The following MCTP1 variants were observed in gnomAD, a reference collection of about 807,000 sequenced individuals.
MCTP1 encodes multiple C2 and transmembrane domain containing 1.
MCTP1 carries 69 observed loss-of-function variants against 120.6 expected under a neutral mutation model. That is an observed-to-expected ratio of 0.57 (90% CI 0.47 to 0.70). The LOEUF (loss-of-function observed/expected upper bound fraction) is 0.70. Among genes scored for constraint, MCTP1 ranks in the 30% least tolerant of loss-of-function variants. MCTP1 has a pLI of 0.00. For synonymous variants in MCTP1, 529 were observed against 493.1 expected, an observed-to-expected ratio of 1.07 and a Z score of -0.96; for missense variants, 1,203 against 1,248.8, an observed-to-expected ratio of 0.96 and a Z score of 0.55.
chr5:94,949,767 T>A (rs2153525492), intron 3 of MCTP1, among the ~76,000 whole-genome samples: 1 of 152,298 alleles, frequency 6.6e-6, no homozygotes. Context: ...AGTTCACAGA[T>A]GCATTTTCAT....
Position 94,909,292 on chromosome 5 carries a change from T to C in MCTP1, c.1611A>G (p.Ala537=), listed in dbSNP as rs750230197. Reference sequence around the variant, plus strand: ...CCCTTTTCCCAGCATCTTTGTCCCATGCAGTGATATCAATGACTCCTCCTC... The same window carrying C: ...CCCTTTTCCCAGCATCTTTGTCCCACGCAGTGATATCAATGACTCCTCCTC... The part of the protein sequence containing the change: ...EERGGVIDIT[A]WDKDAGKRDD... Residue 537 remains alanine, a synonymous_variant, in exon 10 of 23, where the codon GCA becomes GCG. Coordinates refer to ENST00000515393, the MANE Select transcript of MCTP1 (RefSeq NM_024717.7). 1.2e-6 allele frequency: 2 copies of C among 1,611,596 alleles called. No homozygotes were observed. The highest frequency in any genetic ancestry group is 1.1e-5 in the South Asian group (1 of 90,474).
chr5:95,012,453 G>A (rs1046017250), intron 2 of MCTP1, among the ~76,000 whole-genome samples: 19 of 152,080 alleles, frequency 1.2e-4, no homozygotes, highest in Non-Finnish European at 2.6e-4. Context: ...GTTTGATTGC[G>A]CTTCCAAGGG....
At chr5:95,138,842 T>G (rs2152434990) in intron 1 of MCTP1, among the ~76,000 whole-genome samples, 1 of 152,236 alleles carries the variant, frequency 6.6e-6, no homozygotes, top group East Asian at 1.9e-4. Context: ...GATAGGCAAT[T>G]TTTAACTAGT....
intron 3 of MCTP1, among the ~76,000 whole-genome samples, chr5:94,948,410 T>C (rs553821827): frequency 2.0e-5 from 3 of 152,312 alleles, no homozygotes; most frequent in East Asian, 3.9e-4. Context: ...TTGCCCACAA[T>C]CCAAAAGCAA....
chr5:94,911,762 A>C (rs1033308755), intron 9 of MCTP1, among the ~76,000 whole-genome samples: 1 of 152,126 alleles, frequency 6.6e-6, no homozygotes, highest in Non-Finnish European at 1.5e-5. Flanking sequence ...CTTATTCATT[A>C]TTACTTATAT....
At chr5:94,725,665 T>C (rs963751833) in intron 19 of MCTP1, among the ~76,000 whole-genome samples, 14 of 152,308 alleles carry the variant, frequency 9.2e-5, no homozygotes, top group African/African-American at 3.4e-4. Context: ...ATTTAGAAGA[T>C]GAGTAGATTT....
chr5:94,817,987 C>T (rs746499695), intron 17 of MCTP1, among the ~76,000 whole-genome samples: 5 of 152,126 alleles, frequency 3.3e-5, no homozygotes, highest in Non-Finnish European at 5.9e-5. Flanking sequence ...ATCAGCTGCT[C>T]CTGGTTATAC....
At chr5:94,771,752 G>A (rs1774131022) in intron 19 of MCTP1, among the ~76,000 whole-genome samples, 1 of 152,180 alleles carries the variant, frequency 6.6e-6, no homozygotes, top group South Asian at 2.1e-4. Context: ...TATAGGAAAT[G>A]CAGTTGGAAG....
At chr5:95,276,317 G>A (rs1759829671) in intron 1 of MCTP1, among the ~76,000 whole-genome samples, 1 of 139,768 alleles carries the variant, frequency 7.2e-6, no homozygotes, top group Admixed American at 7.7e-5. Flanking sequence ...GGAATGCAGT[G>A]GCGCTATCTC....
intron 19 of MCTP1, 87 bp downstream of exon 19, chr5:94,779,023 C>G: frequency 8.1e-7 from 1 of 1,229,664 alleles, no homozygotes; most frequent in Non-Finnish European, 1.2e-6. Context: ...TCAAACACTT[C>G]AACTCCTTTT....
chr5:95,123,194 C>T (rs984729025), intron 1 of MCTP1, among the ~76,000 whole-genome samples: 1 of 152,096 alleles, frequency 6.6e-6, no homozygotes, highest in Non-Finnish European at 1.5e-5. Context: ...ATGATTATTA[C>T]ACATTACATG....
In MCTP1 at chr5:95,271,864, C is replaced by T. The variant is rs183269915; in HGVS notation, c.720+11992G>A. Among the ~76,000 whole-genome samples the T allele has an allele frequency of 4.3e-4, 65 of 152,062 alleles. 1 individual carries two copies. The highest frequency in any genetic ancestry group is 1.5e-3 in the African/African-American group (64 of 41,490). On this transcript the variant is annotated intron_variant, in intron 1 of 22. Coordinates refer to ENST00000515393, the MANE Select transcript of MCTP1 (RefSeq NM_024717.7). ...AAGATTATTCATTTCCTTTGTAGAACACATACCATAGTGGTTTACTAACCA... is the reference window on the plus strand; with the variant it reads ...AAGATTATTCATTTCCTTTGTAGAATACATACCATAGTGGTTTACTAACCA...
chr5:94,813,672 G>A (rs976709377), intron 17 of MCTP1, among the ~76,000 whole-genome samples: 1 of 152,094 alleles, frequency 6.6e-6, no homozygotes, highest in African/African-American at 2.4e-5. Context: ...GATCACTTGA[G>A]TCCAGGAGTT....
Position 94,888,103 on chromosome 5 carries a change from A to G in MCTP1, c.1933+776T>C, listed in dbSNP as rs576181668. ...GTCAAGCCAGTCCTATTTATTGTCT[A>G]ACTTGAGATGGATAATTTAAGGAAC... On this transcript the variant is annotated intron_variant, in intron 12 of 22. Coordinates refer to ENST00000515393, the MANE Select transcript of MCTP1 (RefSeq NM_024717.7). 1.5e-4 allele frequency among the ~76,000 whole-genome samples: 23 copies of G among 152,256 alleles called. No homozygotes were observed. In the Middle Eastern group the frequency reaches 0.014, roughly 90 times the overall value.
rs139781224 is a variant in MCTP1, at chr5:94,755,018, GC to G, written c.2610+24091del. Among the ~76,000 whole-genome samples the G allele has an allele frequency of 3.0e-4, 46 of 152,264 alleles. No homozygotes were observed. In the East Asian group the frequency reaches 8.3e-3, roughly 28 times the overall value. The stretch of plus-strand genomic sequence containing the variant: ...CCACACATTCCTGGTGTGTCATGCA[GC>G]CCCAGGGAGGCCTTGACAGTGACTT... On this transcript the variant is annotated intron_variant, in intron 19 of 22. Coordinates refer to ENST00000515393, the MANE Select transcript of MCTP1 (RefSeq NM_024717.7).
At chr5:94,786,104 A>T (rs1361635403) in intron 18 of MCTP1, among the ~76,000 whole-genome samples, 1 of 152,194 alleles carries the variant, frequency 6.6e-6, no homozygotes, top group Non-Finnish European at 1.5e-5. Context: ...GATTAATGCC[A>T]GCAGACTTTT....
At chr5:95,225,919 C>G (rs1754210571) in intron 1 of MCTP1, among the ~76,000 whole-genome samples, 1 of 152,058 alleles carries the variant, frequency 6.6e-6, no homozygotes, top group Non-Finnish European at 1.5e-5. Flanking sequence ...AGATAATTTG[C>G]TCTTAATTTT....
intron 1 of MCTP1, among the ~76,000 whole-genome samples, chr5:95,087,808 TTC>T (rs1755546852): frequency 6.6e-6 from 1 of 152,152 alleles, no homozygotes; most frequent in South Asian, 2.1e-4. Context: ...CAGCTTGCCC[TTC>T]TGATTCCATG....
chr5:94,744,419 G>A (rs1766385535), intron 19 of MCTP1, among the ~76,000 whole-genome samples: 1 of 152,200 alleles, frequency 6.6e-6, no homozygotes, highest in East Asian at 1.9e-4. Context: ...GATGGACAGG[G>A]GATTTAGCAC....
Sources: allele counts gnomAD v4.1 joint callset (sites outside exome capture counted in the v4.1 genomes callset), GRCh38; gene constraint gnomAD v4.1.1; transcripts MANE v1.5; gene names NCBI Gene and HGNC (gene_info 2026-07-23, HGNC 2026-07-21).